The following ABCA13 variants were observed in gnomAD, a reference collection of about 807,000 sequenced individuals.
ABCA13 encodes ATP binding cassette subfamily A member 13, also known as ATP-binding cassette sub-family A member 13.
A neutral mutation model predicts 478.7 loss-of-function variants in ABCA13; 476 were observed. The ratio of observed to expected loss-of-function variants is 0.99; its 90% CI spans 0.92 to 1.07. ABCA13 has a LOEUF of 1.07. Ranked by LOEUF, ABCA13 falls within the 50% of genes least tolerant of loss-of-function variation. The pLI is 0.00. For missense variants in ABCA13, 6,060 were observed against 5,910.6 expected (o/e 1.03, Z -0.83); for synonymous variants, 2,252 against 2,158.9 (o/e 1.04, Z -1.20).
chr7:48,454,524 C>T (rs1281158493), intron 42 of ABCA13, among the ~76,000 whole-genome samples: 1 of 151,912 alleles, frequency 6.6e-6, no homozygotes, highest in African/African-American at 2.4e-5. Context: ...AGCAGGGAGG[C>T]GCAGTGGGCA....
chr7:48,567,235 A>T (rs954229021), intron 55 of ABCA13, among the ~76,000 whole-genome samples: 2 of 152,126 alleles, frequency 1.3e-5, no homozygotes, highest in South Asian at 2.1e-4. Context: ...GACCTTTTCC[A>T]TTGTTGAATC....
chr7:48,390,755 G>T (rs1163892750), intron 37 of ABCA13, among the ~76,000 whole-genome samples: 1 of 152,178 alleles, frequency 6.6e-6, no homozygotes, highest in East Asian at 1.9e-4. Flanking sequence ...GCATGGTGGT[G>T]GTGGCCCAGC....
At chr7:48,345,413 C>T (rs1353994347) in intron 29 of ABCA13, among the ~76,000 whole-genome samples, 5 of 152,126 alleles carry the variant, frequency 3.3e-5, no homozygotes, top group African/African-American at 1.2e-4. Flanking sequence ...CCCTGAAGAC[C>T]TCCTTCCAGT....
Position 48,520,355 on chromosome 7 carries a change from A to T in ABCA13, c.14051+61A>T. The stretch of plus-strand genomic sequence containing the variant: ...ACTCCTGCAAAATGAGAGGAAGAGA[A>T]AAATTCATCCTGGAGGTTGTAAAAT... On this transcript the variant is annotated intron_variant, in intron 53 of 61. Transcript: ENST00000435803. 3.3e-6 allele frequency: 5 copies of T among 1,506,984 alleles called. No homozygotes were observed. In the South Asian group the frequency reaches 6.8e-5, roughly 21 times the overall value. 93.4% of individuals were successfully genotyped at this position (1,506,984 alleles called of 1,614,324 possible).
At chr7:48,405,558 C>A (rs1344649228) in intron 39 of ABCA13, among the ~76,000 whole-genome samples, 5 of 152,132 alleles carry the variant, frequency 3.3e-5, no homozygotes, top group African/African-American at 9.7e-5. Context: ...TGCGCACTAC[C>A]CTGGCTGGGG....
chr7:48,216,638 G>A (rs1786525728), intron 3 of ABCA13, among the ~76,000 whole-genome samples: 1 of 151,726 alleles, frequency 6.6e-6, no homozygotes, highest in African/African-American at 2.4e-5. Flanking sequence ...TGCTTTTGGT[G>A]TCATATCTAA....
At chr7:48,335,953 T>C (rs1806197645) in intron 28 of ABCA13, among the ~76,000 whole-genome samples, 1 of 152,244 alleles carries the variant, frequency 6.6e-6, no homozygotes, top group African/African-American at 2.4e-5. Flanking sequence ...ATCATTAATA[T>C]AAAACTTTAA....
At chr7:48,494,316 G>A (rs1830086213) in intron 48 of ABCA13, among the ~76,000 whole-genome samples, 1 of 152,242 alleles carries the variant, frequency 6.6e-6, no homozygotes, top group African/African-American at 2.4e-5. Flanking sequence ...GTATGAGCAT[G>A]AGAACAGGGG....
At chr7:48,528,424 C>T (rs748719700) in intron 55 of ABCA13, 79 bp downstream of exon 55, 19 of 987,826 alleles carry the variant, frequency 1.9e-5, no homozygotes, top group African/African-American at 8.3e-5. Context: ...CCCTCAGTCC[C>T]GTGGAATAAA....
In ABCA13 at chr7:48,274,174, G is replaced by A. The variant is rs752232924; in HGVS notation, c.4508G>A (p.Ser1503Asn). The change falls in exon 17 of 62, where the codon AGT becomes AAT. Residue 1503 changes from serine (S) to asparagine (N), a missense_variant. By Grantham distance (46) the Ser-to-Asn change is conservative. Around this residue, in one of 3 missense-constraint regions of ABCA13, gnomAD observed 4,423 missense variants for 4,309.1 expected, o/e 1.03. Coordinates refer to ENST00000435803, the MANE Select transcript of ABCA13 (RefSeq NM_152701.5). The part of the protein sequence containing the change: ...LNDSTKQVRM[S>N]INNLTTDFDF... ...GATTCCACAAAGCAAGTAAGGATGAGTATCAACAACTTAACAACAGACTTT... is the reference window on the plus strand; with the variant it reads ...GATTCCACAAAGCAAGTAAGGATGAATATCAACAACTTAACAACAGACTTT... The A allele has an allele frequency of 1.4e-5, 22 of 1,611,190 alleles. No individual in the cohort carries two copies. The highest frequency in any genetic ancestry group is 3.3e-5 in the South Asian group (3 of 90,886).
chr7:48,597,197 G>T (rs577632052), intron 58 of ABCA13, among the ~76,000 whole-genome samples: 2 of 152,118 alleles, frequency 1.3e-5, no homozygotes, highest in African/African-American at 4.8e-5. Context: ...TGATCCGCCC[G>T]CCTGGGCCTC....
At chr7:48,506,662 C>G (rs1831238813) in intron 49 of ABCA13, among the ~76,000 whole-genome samples, 1 of 152,172 alleles carries the variant, frequency 6.6e-6, no homozygotes, top group Non-Finnish European at 1.5e-5. Context: ...AATGATTTAC[C>G]AGAAACTTAT....
chr7:48,575,337 A>G (rs1231425267), intron 55 of ABCA13, among the ~76,000 whole-genome samples: 2 of 152,160 alleles, frequency 1.3e-5, no homozygotes, highest in Admixed American at 6.6e-5. Context: ...GATACTCTAA[A>G]GACTTAAAGG....
intron 41 of ABCA13, among the ~76,000 whole-genome samples, chr7:48,417,745 GA>G (rs1378884853): frequency 6.6e-6 from 1 of 152,086 alleles, no homozygotes; most frequent in Non-Finnish European, 1.5e-5. Flanking sequence ...GGGTTTGGAT[GA>G]GTATATAATT....
intron 59 of ABCA13, among the ~76,000 whole-genome samples, chr7:48,624,747 G>T (rs1428855817): frequency 6.6e-6 from 1 of 151,814 alleles, no homozygotes; most frequent in African/African-American, 2.4e-5. Context: ...TAGAGATGAG[G>T]TTTCACCATG....
In ABCA13 at chr7:48,275,090, G is replaced by A. The variant is rs754362744; in HGVS notation, c.5424G>A (p.Lys1808=). 9.3e-6 allele frequency: 15 copies of A among 1,613,136 alleles called. No homozygotes were observed. The Admixed American group carries it at 1.5e-4, about 16-fold the overall frequency. ...ATACAATTGAATTAGTATCAGATAA[G>A]CCAGATATTATTTCAGAGGCTTTAG... ...LLDTIELVSD[K]PDIISEALAC... is the part of the protein sequence containing the mutation. The change falls in exon 17 of 62, where the codon AAG becomes AAA. Residue 1808 remains lysine (K), a synonymous_variant. Coordinates refer to ENST00000435803, the MANE Select transcript of ABCA13 (RefSeq NM_152701.5).
chr7:48,344,736 A>G (rs980994988), intron 29 of ABCA13, among the ~76,000 whole-genome samples: 7 of 152,166 alleles, frequency 4.6e-5, no homozygotes, highest in Admixed American at 1.3e-4. Context: ...GGCTTTGCCC[A>G]TTCGTGTCCT....
chr7:48,551,084 A>C (rs989237556), intron 55 of ABCA13, among the ~76,000 whole-genome samples: 1 of 151,496 alleles, frequency 6.6e-6, no homozygotes, highest in Non-Finnish European at 1.5e-5. Context: ...TTTTCTTTTA[A>C]ATTAGTTTAT....
chr7:48,278,805 C>T lies in ABCA13; in HGVS notation c.7611C>T (p.Ser2537=). The part of the protein sequence containing the change: ...KLVKKVSGKM[S]TVFKTHFISN... ...TCAAGAAAGTTTCGGGGAAGATGTC[C>T]ACAGTTTTTAAAACTCATTTTATCT... The change falls in exon 18 of 62, where the codon TCC becomes TCT. Residue 2537 remains serine, a synonymous_variant. Coordinates refer to ENST00000435803, the MANE Select transcript of ABCA13 (RefSeq NM_152701.5). 1 of 1,613,804 alleles carries T rather than the reference C, an allele frequency of 6.2e-7. No individual in the cohort carries two copies. Among genetic ancestry groups the T allele is most frequent in the Non-Finnish European group, 8.5e-7 (1 of 1,179,864 alleles).
Sources: allele counts gnomAD v4.1 joint callset (sites outside exome capture counted in the v4.1 genomes callset), GRCh38; gene constraint gnomAD v4.1.1; regional missense constraint gnomAD v4.1.1; transcripts MANE v1.5; gene names NCBI Gene and HGNC (gene_info 2026-07-23, HGNC 2026-07-21).